Variants in PTPRF observed in about 807,000 individuals in gnomAD.
PTPRF encodes protein tyrosine phosphatase receptor type F, also known as receptor-type tyrosine-protein phosphatase F.
In PTPRF, 59 loss-of-function variants were observed where a neutral mutation model predicts 201.8. That is an observed-to-expected ratio of 0.29 (90% CI 0.24 to 0.36). The LOEUF is 0.36. PTPRF is among the 10% of genes least tolerant of loss of function. The pLI is 1.00. For synonymous variants in PTPRF, 1,088 were observed against 1,089.7 expected (o/e 1.00, Z 0.03); for missense variants, 2,132 against 2,690.5 (o/e 0.79, Z 4.59).
rs909664647 is a variant in PTPRF at position 43,622,446 on chromosome 1, GT to G, written c.*454del. On this transcript the variant is annotated 3_prime_UTR_variant, in exon 34 of 34. Transcript: ENST00000359947. ...TAGGGGTTGGGGTTTATTTTGTTTT[GT>G]TTTTTTTTTTCTTGAGTTCACTTTG... 43 of 151,670 alleles carry G rather than the reference GT, an allele frequency of 2.8e-4. No individual in the cohort carries two copies. Among genetic ancestry groups the G allele is most frequent in the Middle Eastern group, 3.4e-3 (1 of 292 alleles). The allele number at this position is 151,670 out of a possible 1,614,324, so 9.4% of individuals were successfully genotyped here. A position where few individuals can be genotyped will look rare whatever the true frequency, so the allele number is the denominator to read the frequency against.
intron 6 of PTPRF, among the ~76,000 whole-genome samples, chr1:43,571,123 C>A (rs1052741635): frequency 2.6e-5 from 4 of 152,206 alleles, no homozygotes; most frequent in African/African-American, 9.6e-5. Flanking sequence ...TGGGCCACCC[C>A]TTCCTTGCCT....
intron 5 of PTPRF, among the ~76,000 whole-genome samples, chr1:43,559,535 G>GT (rs1350706839): frequency 3.8e-4 from 58 of 151,902 alleles, no homozygotes; most frequent in Non-Finnish European, 6.3e-4. Context: ...GTGTGTGTGT[G>GT]TTTATGTGCA....
chr1:43,564,210 G>T (rs1201355719), intron 5 of PTPRF, among the ~76,000 whole-genome samples: 1 of 152,200 alleles, frequency 6.6e-6, no homozygotes, highest in African/African-American at 2.4e-5. Context: ...TGGGGGTGGG[G>T]CTGGGCTCTC....
At chr1:43,536,099 C>G (rs1643988511) in intron 1 of PTPRF, among the ~76,000 whole-genome samples, 1 of 152,166 alleles carries the variant, frequency 6.6e-6, no homozygotes, top group Non-Finnish European at 1.5e-5. Context: ...GGGTCCTGAA[C>G]CATTCAGGCC....
intron 7 of PTPRF, among the ~76,000 whole-genome samples, chr1:43,586,042 C>CG (rs763250523): frequency 7.2e-5 from 11 of 152,164 alleles, no homozygotes; most frequent in Non-Finnish European, 1.6e-4. Context: ...AGCTAGGGCT[C>CG]GAAAGGGTGA....
At chr1:43,611,640 G>A (rs767500742) in intron 22 of PTPRF, among the ~76,000 whole-genome samples, 1 of 152,190 alleles carries the variant, frequency 6.6e-6, no homozygotes, top group African/African-American at 2.4e-5. Flanking sequence ...TGTCACTCTG[G>A]CTCCTTGAGG....
chr1:43,528,846 C>T (rs1643228465), upstream of PTPRF: 1 of 152,226 alleles, frequency 6.6e-6, no homozygotes, highest in South Asian at 2.1e-4. Flanking sequence ...GAGATAGAGA[C>T]TTGGAAGTCA....
At chr1:43,549,985 C>T (rs1275719086) in intron 3 of PTPRF, among the ~76,000 whole-genome samples, 2 of 152,184 alleles carry the variant, frequency 1.3e-5, no homozygotes, top group Admixed American at 6.5e-5. Flanking sequence ...TAGATCTGTG[C>T]TCCCCAAAGA....
At chr1:43,562,387 C>T (rs1057108057) in intron 5 of PTPRF, among the ~76,000 whole-genome samples, 13 of 151,942 alleles carry the variant, frequency 8.6e-5, no homozygotes, top group Non-Finnish European at 1.9e-4. Context: ...GGATTATAGG[C>T]GTGAGCCACC....
In PTPRF at chr1:43,603,282, A is replaced by T; in HGVS notation, c.2341-134A>T. 1.3e-6 allele frequency: 1 copy of T among 765,490 alleles called. No homozygotes were observed. The highest frequency in any genetic ancestry group is 1.6e-5 in the South Asian group (1 of 61,928). 47.4% of individuals were successfully genotyped at this position (765,490 alleles called of 1,614,324 possible). A position where few individuals can be genotyped will look rare whatever the true frequency, so the allele number is the denominator to read the frequency against. ...CCTCTCCAGCAGAGGCCACCATTGT[A>T]TAGCCCCACCTTCCACAACCCCTGG... On this transcript the variant is annotated intron_variant, in intron 14 of 33. Coordinates refer to ENST00000359947, the MANE Select transcript of PTPRF (RefSeq NM_002840.5). This position sits in a 1 kb window ranked among gnomAD's most constrained non-coding sequence, Gnocchi z 5.8.
chr1:43,606,786 C>G, intron 20 of PTPRF, 28 bp from the exon 21 acceptor site: 2 of 1,607,864 alleles, frequency 1.2e-6, no homozygotes, highest in Non-Finnish European at 1.7e-6. Context: ...GCTGAGCTCA[C>G]AGCCTGCTGT....
At chr1:43,532,401 G>A (rs546159688) in intron 1 of PTPRF, among the ~76,000 whole-genome samples, 139 of 152,350 alleles carry the variant, frequency 9.1e-4, no homozygotes, top group African/African-American at 3.2e-3. Flanking sequence ...GGGGCCACAG[G>A]GCAGGGCCGG....
rs1333476922 is a variant in PTPRF, at chr1:43,553,464, G to T, written c.92-28G>T. 1.2e-6 allele frequency: 2 copies of T among 1,608,448 alleles called. No homozygotes were observed. Among genetic ancestry groups the T allele is most frequent in the African/African-American group, 2.7e-5 (2 of 74,888 alleles). On this transcript the variant is annotated intron_variant, in intron 3 of 33. Transcript: ENST00000359947. The surrounding 1 kb of genome is among the most constrained non-coding windows in gnomAD (Gnocchi z 4.1). ...GCCATTCCTATAGTGACTGTGCTGTGGTGACTTGGTGTCTCCATCTCTTCC... is the reference window on the plus strand; with the variant it reads ...GCCATTCCTATAGTGACTGTGCTGTTGTGACTTGGTGTCTCCATCTCTTCC...
At chr1:43,558,591 T>C (rs1210729870) in intron 5 of PTPRF, among the ~76,000 whole-genome samples, 2 of 152,160 alleles carry the variant, frequency 1.3e-5, no homozygotes, top group African/African-American at 4.8e-5. Context: ...TGAGTGGTAA[T>C]TGAAGCCATT....
upstream of PTPRF, among the ~76,000 whole-genome samples, chr1:43,523,008 A>G (rs1338985147): frequency 1.3e-5 from 2 of 152,220 alleles, no homozygotes; most frequent in Admixed American, 6.5e-5. Context: ...GCAGAGGTCC[A>G]GATAAGAGTT....
chr1:43,522,534 A>C (rs1642987176), upstream of PTPRF, among the ~76,000 whole-genome samples: 1 of 152,258 alleles, frequency 6.6e-6, no homozygotes, highest in African/African-American at 2.4e-5. Flanking sequence ...CATGGATGAC[A>C]GGCATCAATC....
At chr1:43,573,350 C>G (rs1646700564) in intron 6 of PTPRF, among the ~76,000 whole-genome samples, 1 of 152,182 alleles carries the variant, frequency 6.6e-6, no homozygotes, top group African/African-American at 2.4e-5. Context: ...ATATGAGCTG[C>G]CATCCTTTGT....
intron 6 of PTPRF, among the ~76,000 whole-genome samples, 200 bp downstream of exon 6, chr1:43,569,978 G>C (rs756168189): frequency 6.6e-6 from 1 of 152,138 alleles, no homozygotes; most frequent in Non-Finnish European, 1.5e-5. Context: ...TACCTTCTTC[G>C]GATTGTCAGA....
chr1:43,586,939 C>G (rs1456742007), intron 7 of PTPRF, among the ~76,000 whole-genome samples: 1 of 152,182 alleles, frequency 6.6e-6, no homozygotes. Flanking sequence ...AAGTGGTTTC[C>G]TTAAAGACAA....
Sources: gnomAD v4.1 joint callset for allele counts (sites outside exome capture counted in the v4.1 genomes callset) on GRCh38, gnomAD v4.1.1 for gene constraint, Gnocchi (gnomAD v3.1) non-coding constraint, MANE v1.5 for transcripts, NCBI Gene and HGNC (gene_info 2026-07-23, HGNC 2026-07-21) for gene names.